The following BRD10 variants were observed in gnomAD, a reference collection of about 807,000 sequenced individuals.
The protein encoded by BRD10 is bromodomain containing 10.
the BRD10 span, among the ~76,000 whole-genome samples, chr9:5,993,731 C>G: frequency 2.0e-5 from 3 of 152,274 alleles, no homozygotes; most frequent in East Asian, 3.9e-4. Context: ...TCAGTCCCTC[C>G]TATTGGCTGA....
At chr9:5,948,827 G>A in the BRD10 span, among the ~76,000 whole-genome samples, 2 of 151,868 alleles carry the variant, frequency 1.3e-5, no homozygotes, top group Admixed American at 6.6e-5. Context: ...CTAAATGCAT[G>A]GTATAAATTC....
chr9:5,930,580 T>C, the BRD10 span, among the ~76,000 whole-genome samples: 3 of 152,074 alleles, frequency 2.0e-5, no homozygotes, highest in African/African-American at 4.8e-5. Flanking sequence ...TAGGAAGATA[T>C]GAGATTATAT....
chr9:5,900,572 A>T, the BRD10 span, among the ~76,000 whole-genome samples: 1 of 152,206 alleles, frequency 6.6e-6, no homozygotes, highest in African/African-American at 2.4e-5. Flanking sequence ...AAATGACATT[A>T]AATATGAGCT....
chr9:5,892,070 G>A, the BRD10 span, among the ~76,000 whole-genome samples: 2 of 152,194 alleles, frequency 1.3e-5, no homozygotes, highest in Admixed American at 6.5e-5. Flanking sequence ...CACAGCCCTG[G>A]GCCAGGGAAG....
At chr9:5,934,357 TC>T in the BRD10 span, among the ~76,000 whole-genome samples, 3 of 144,772 alleles carry the variant, frequency 2.1e-5, no homozygotes, top group African/African-American at 7.7e-5. Flanking sequence ...ATTACGCTTT[TC>T]TTTTTTTTTT....
chr9:5,922,927 T>A, the BRD10 span: 1 of 1,614,020 alleles, frequency 6.2e-7, no homozygotes, highest in African/African-American at 1.3e-5. Flanking sequence ...AAGGAGGCAG[T>A]TGATTTGTTA....
the BRD10 span, among the ~76,000 whole-genome samples, chr9:5,991,235 T>C: frequency 6.6e-6 from 1 of 152,250 alleles, no homozygotes; most frequent in South Asian, 2.1e-4. Flanking sequence ...AGATGCCATA[T>C]GTGTATTAGT....
chr9:5,903,237 C>T, the BRD10 span, among the ~76,000 whole-genome samples: 2 of 152,020 alleles, frequency 1.3e-5, no homozygotes, highest in Non-Finnish European at 2.9e-5. Context: ...TGTTTTGTGG[C>T]CCAGAATGTG....
chr9:5,976,064 G>C, the BRD10 span, among the ~76,000 whole-genome samples: 1 of 152,118 alleles, frequency 6.6e-6, no homozygotes, highest in Non-Finnish European at 1.5e-5. Context: ...ATGTGAACAT[G>C]ATTACCAGAA....
the BRD10 span, among the ~76,000 whole-genome samples, chr9:5,894,436 G>T: frequency 6.6e-6 from 1 of 152,174 alleles, no homozygotes; most frequent in Non-Finnish European, 1.5e-5. The surrounding 1 kb of genome is among the most constrained non-coding windows in gnomAD (Gnocchi z 4.0). Context: ...CCGTGTCTGG[G>T]GTAACAAACG....
the BRD10 span, among the ~76,000 whole-genome samples, chr9:5,970,443 AG>A: frequency 2.6e-5 from 4 of 152,316 alleles, no homozygotes; most frequent in East Asian, 5.8e-4. Context: ...AGATTTTATT[AG>A]CACTACTATA....
the BRD10 span, among the ~76,000 whole-genome samples, chr9:5,934,376 G>C: frequency 3.8e-4 from 23 of 59,980 alleles, no homozygotes; most frequent in African/African-American, 1.4e-3. Context: ...TTTTTTTTTT[G>C]GAGACAGGGT....
At chr9:5,916,363 T>G in the BRD10 span, among the ~76,000 whole-genome samples, 212 of 152,268 alleles carry the variant, frequency 1.4e-3, no homozygotes, top group Non-Finnish European at 2.3e-3. Context: ...CTGATTTTAG[T>G]GTACATATTC....
chr9:5,937,135 C>T, the BRD10 span, among the ~76,000 whole-genome samples: 912 of 150,130 alleles, frequency 6.1e-3, 3 homozygotes, highest in South Asian at 0.013. Context: ...GAGGCTGAGG[C>T]AGGAGAATCA....
chr9:5,969,755 A>G, the BRD10 span, among the ~76,000 whole-genome samples: 1 of 152,154 alleles, frequency 6.6e-6, no homozygotes, highest in Non-Finnish European at 1.5e-5. Flanking sequence ...CATGTTGGCC[A>G]GGCTGGTCTC....
At chr9:5,891,660 G>C in the BRD10 span, among the ~76,000 whole-genome samples, 1 of 152,102 alleles carries the variant, frequency 6.6e-6, no homozygotes, top group Non-Finnish European at 1.5e-5. Context: ...CTTGAATTAC[G>C]GCCACTGCAG....
At chr9:5,945,622 T>C in the BRD10 span, among the ~76,000 whole-genome samples, 97,731 of 151,878 alleles carry the variant, frequency 0.64, 33,017 homozygotes, top group Non-Finnish European at 0.77. Flanking sequence ...AAAATAATTA[T>C]TAATTACTAA....
the BRD10 span, chr9:5,914,076 A>T: frequency 2.2e-6 from 1 of 451,200 alleles, no homozygotes. Context: ...AAATAAGAAA[A>T]GAAAATGATC....
the BRD10 span, among the ~76,000 whole-genome samples, chr9:5,945,516 G>A: frequency 6.6e-6 from 1 of 152,098 alleles, no homozygotes; most frequent in Non-Finnish European, 1.5e-5. Context: ...TATCAGTTTA[G>A]TAGTCTTTAA....
Sources: allele counts gnomAD v4.1 joint callset (sites outside exome capture counted in the v4.1 genomes callset), GRCh38; gene constraint gnomAD v4.1.1; non-coding constraint Gnocchi (gnomAD v3.1); transcripts MANE v1.5; gene names NCBI Gene and HGNC (gene_info 2026-07-23, HGNC 2026-07-21).